The following UBE3C variants were observed in gnomAD, a reference collection of about 807,000 sequenced individuals.
UBE3C encodes ubiquitin protein ligase E3C.
Under a neutral mutation model 129.4 loss-of-function variants are expected in UBE3C, and 42 were observed. That is an observed-to-expected ratio of 0.32 (90% CI 0.25 to 0.42). UBE3C has a LOEUF of 0.42. UBE3C is among the 10% of genes least tolerant of loss of function. The pLI, the probability that UBE3C is intolerant of heterozygous loss-of-function variation, is 1.00. For synonymous variants in UBE3C, 510 were observed against 492.4 expected (o/e 1.04, Z -0.47); for missense variants, 1,049 against 1,319.1 (o/e 0.80, Z 3.17).
In UBE3C at chr7:157,239,961, G is replaced by A. The variant is rs545822110; in HGVS notation, c.2482-8407G>A. Among the ~76,000 whole-genome samples the A allele has an allele frequency of 1.8e-4, 27 of 152,312 alleles. 1 individual carries two copies. The South Asian group carries it at 5.6e-3, about 32-fold the overall frequency. On this transcript the variant is annotated intron_variant, in intron 18 of 22. Transcript: ENST00000348165. ...AAGGATGGGAAGAGCAGTGTTCCCA[G>A]ACCAGCCACATCTGCATCACCGGGG...
Position 157,249,422 on chromosome 7 carries a change from T to C in UBE3C, c.2694+842T>C, listed in dbSNP as rs546964710. ...CCTCCACCTCCCGGGTTCAAGTGATTCTCCTGCCCCAGCTTCCCGAGTAGC... is the reference window on the plus strand; with the variant it reads ...CCTCCACCTCCCGGGTTCAAGTGATCCTCCTGCCCCAGCTTCCCGAGTAGC... On this transcript the variant is annotated intron_variant, in intron 19 of 22. Transcript: ENST00000348165. Among the ~76,000 whole-genome samples the C allele has an allele frequency of 6.6e-5, 10 of 152,212 alleles. No individual in the cohort carries two copies. In the East Asian group the frequency reaches 1.9e-3, roughly 29 times the overall value.
At chr7:157,178,207 G>A (rs1186172736) in intron 5 of UBE3C, among the ~76,000 whole-genome samples, 1 of 152,236 alleles carries the variant, frequency 6.6e-6, no homozygotes, top group African/African-American at 2.4e-5. Flanking sequence ...TAGTAAGAAG[G>A]GAAGCCTCAG....
At chr7:157,251,922 G>T (rs533630623) in intron 19 of UBE3C, among the ~76,000 whole-genome samples, 1 of 152,084 alleles carries the variant, frequency 6.6e-6, no homozygotes, top group Non-Finnish European at 1.5e-5. Context: ...ATCATTTGAG[G>T]TCAGGAGTTC....
Position 157,234,905 on chromosome 7 carries a change from C to T in UBE3C, c.2481+3578C>T, listed in dbSNP as rs116013141. ...ATAATTCATTGTATGAAAATCTTTA[C>T]AATGGGCCAGGCATGGTGGATCACA... On this transcript the variant is annotated intron_variant, in intron 18 of 22. Transcript: ENST00000348165. Among the ~76,000 whole-genome samples, 651 of 152,252 alleles carry T rather than the reference C, an allele frequency of 4.3e-3. 2 individuals are homozygous for T. The highest frequency in any genetic ancestry group is 0.015 in the African/African-American group (611 of 41,556).
At chr7:157,239,160 G>A (rs1479227488) in intron 18 of UBE3C, among the ~76,000 whole-genome samples, 2 of 152,150 alleles carry the variant, frequency 1.3e-5, no homozygotes, top group Non-Finnish European at 2.9e-5. Context: ...GTGAAAGAAT[G>A]TTTATGGTAA....
At chr7:157,247,675 G>C (rs2116679147) in intron 18 of UBE3C, among the ~76,000 whole-genome samples, 1 of 151,952 alleles carries the variant, frequency 6.6e-6, no homozygotes, top group South Asian at 2.1e-4. Flanking sequence ...CTGGGCAACA[G>C]AGCAAGACTC....
intron 10 of UBE3C, among the ~76,000 whole-genome samples, chr7:157,193,254 G>A (rs554686650): frequency 4.4e-4 from 66 of 150,650 alleles, no homozygotes; most frequent in Non-Finnish European, 7.5e-4. Flanking sequence ...GGCATTAGAA[G>A]TGTCCAGTAA....
chr7:157,263,035 T>G (rs1039031308), intron 22 of UBE3C: 2 of 152,344 alleles, frequency 1.3e-5, no homozygotes, highest in East Asian at 1.9e-4. Flanking sequence ...GAATTGGATG[T>G]CTTGGCCCTT....
At chr7:157,177,692 A>T (rs1051399924) in intron 5 of UBE3C, among the ~76,000 whole-genome samples, 6 of 152,244 alleles carry the variant, frequency 3.9e-5, no homozygotes, top group Non-Finnish European at 4.4e-5. Flanking sequence ...TGTCCTGCCC[A>T]GCCTGCCCGC....
At chr7:157,266,488 T>C (rs924363561) in intron 22 of UBE3C, among the ~76,000 whole-genome samples, 2 of 152,204 alleles carry the variant, frequency 1.3e-5, no homozygotes, top group African/African-American at 4.8e-5. Context: ...GATCCACTTC[T>C]CGTGAGTCAT....
At chr7:157,213,135 A>T (rs1197658001) in intron 13 of UBE3C, among the ~76,000 whole-genome samples, 1 of 152,240 alleles carries the variant, frequency 6.6e-6, no homozygotes, top group Admixed American at 6.5e-5. Flanking sequence ...TAACGTTTTG[A>T]TCTGGCGTGG....
At position 157,231,337 on chromosome 7, in the gene UBE3C, C is replaced by T; in HGVS notation, c.2481+10C>T. On this transcript the variant is annotated intron_variant, in intron 18 of 22. Transcript: ENST00000348165. ...CAGAATGCTTGGAAAGGTAAAGTAA[C>T]CTTCATATAAAAATAGACCTCGGAC... 6.2e-7 allele frequency: 1 copy of T among 1,611,738 alleles called. No homozygotes were observed. Among genetic ancestry groups the T allele is most frequent in the Non-Finnish European group, 8.5e-7 (1 of 1,179,238 alleles).
chr7:157,265,731 A>G (rs952322797), intron 22 of UBE3C, among the ~76,000 whole-genome samples: 5 of 152,116 alleles, frequency 3.3e-5, no homozygotes, highest in African/African-American at 1.2e-4. Context: ...GAGGGAGAAC[A>G]TTTTCTCATG....
chr7:157,198,011 C>A, intron 10 of UBE3C: 3 of 1,605,246 alleles, frequency 1.9e-6, no homozygotes, highest in South Asian at 1.1e-5. Flanking sequence ...CCTCCATATC[C>A]CAATTCACTT....
chr7:157,170,214 C>T (rs1342714823), intron 3 of UBE3C, 90 bp from the exon 4 acceptor site: 3 of 1,153,308 alleles, frequency 2.6e-6, no homozygotes, highest in Non-Finnish European at 3.4e-6. Flanking sequence ...TTCCACCATT[C>T]CTGTAAACAC....
At chr7:157,236,362 G>A (rs1014972312) in intron 18 of UBE3C, among the ~76,000 whole-genome samples, 4 of 151,940 alleles carry the variant, frequency 2.6e-5, no homozygotes, top group African/African-American at 7.3e-5. Flanking sequence ...CTTGCTTTAG[G>A]ATATTGATTT....
In UBE3C at chr7:157,267,834, C is replaced by A; in HGVS notation, c.*79C>A. On this transcript the variant is annotated 3_prime_UTR_variant, in exon 23 of 23. Coordinates refer to ENST00000348165, the MANE Select transcript of UBE3C (RefSeq NM_014671.3). Reference sequence around the variant, plus strand: ...GCGCCTCCCCAGACCCACGAGGATACTCACACTGCACGCCTGAGGCTCTCC... The same window carrying A: ...GCGCCTCCCCAGACCCACGAGGATAATCACACTGCACGCCTGAGGCTCTCC... 1 of 1,297,966 alleles carries A rather than the reference C, an allele frequency of 7.7e-7. No individual in the cohort carries two copies. The highest frequency in any genetic ancestry group is 1.0e-6 in the Non-Finnish European group (1 of 959,606). 80.4% of individuals were successfully genotyped at this position (1,297,966 alleles called of 1,614,324 possible).
At position 157,138,989 on chromosome 7, in the gene UBE3C, G is replaced by A. The variant is rs976357445; in HGVS notation, c.-284G>A. 2 of 153,046 alleles carry A rather than the reference G, an allele frequency of 1.3e-5. No individual in the cohort carries two copies. Among genetic ancestry groups the A allele is most frequent in the Non-Finnish European group, 2.9e-5 (2 of 68,890 alleles). The allele number at this position is 153,046 out of a possible 1,614,324, so 9.5% of individuals were successfully genotyped here. ...GCGGCAGTTCCAGGTGCAAGCGCCG[G>A]GTTTGCTGCCCGCTGGGCGCCCCTG... On this transcript the variant is annotated 5_prime_UTR_variant, in exon 1 of 23. Coordinates refer to ENST00000348165, the MANE Select transcript of UBE3C (RefSeq NM_014671.3).
rs34110466 is a variant in UBE3C, at chr7:157,168,334, CAA to C, written c.121-698_121-697del. On this transcript the variant is annotated intron_variant, in intron 2 of 22. Coordinates refer to ENST00000348165, the MANE Select transcript of UBE3C (RefSeq NM_014671.3). ...TGGGCGACAGAGCAAGACTCTGTCT[CAA>C]AAAAAAAAAAAAAAAGGTCCTACTA... Among the ~76,000 whole-genome samples the C allele has an allele frequency of 6.0e-3, 665 of 109,998 alleles. 5 individuals are homozygous for C. Among genetic ancestry groups the C allele is most frequent in the African/African-American group, 0.016 (526 of 32,138 alleles). The allele number at this position is 109,998 out of a possible 152,430, so 72.2% of individuals were successfully genotyped here.
Sources: gnomAD v4.1 joint callset for allele counts (sites outside exome capture counted in the v4.1 genomes callset) on GRCh38, gnomAD v4.1.1 for gene constraint, MANE v1.5 for transcripts, NCBI Gene and HGNC (gene_info 2026-07-23, HGNC 2026-07-21) for gene names.